The following IL1RAPL1 variants were observed in gnomAD, a reference collection of about 807,000 sequenced individuals.
The protein encoded by IL1RAPL1 is interleukin 1 receptor accessory protein like 1.
IL1RAPL1 carries 3 observed loss-of-function variants against 48.4 expected under a neutral mutation model. The observed-to-expected ratio is 0.06, with a 90% confidence interval of 0.03 to 0.16. The LOEUF (loss-of-function observed/expected upper bound fraction) is 0.16, where lower values mean the gene tolerates loss of function less well. Ranked by LOEUF, IL1RAPL1 falls within the 10% of genes least tolerant of loss-of-function variation. The pLI, the probability that IL1RAPL1 is intolerant of heterozygous loss-of-function variation, is 1.00. For synonymous variants in IL1RAPL1, 185 were observed against 187.7 expected (o/e 0.99, Z 0.12); for missense variants, 349 against 530.6 (o/e 0.66, Z 3.36).
At chrX:28,590,234 GA>G (rs1933893466) in intron 1 of IL1RAPL1, among the ~76,000 whole-genome samples, 2 of 111,267 alleles carry the variant, frequency 1.8e-5, no homozygotes, top group Admixed American at 1.9e-4. Context: ...CTGTTCAGTT[GA>G]ATCACCTTAT....
In IL1RAPL1 at chrX:28,682,305, TG is replaced by T. The variant is rs1446519280; in HGVS notation, c.-25+94259del. Among the ~76,000 whole-genome samples, 10 of 111,007 alleles carry T rather than the reference TG, an allele frequency of 9.0e-5. No homozygotes were observed. The East Asian group carries it at 1.7e-3, about 19-fold the overall frequency. ...GTTTTTTTTTGTTATTGTTTTTGTT[TG>T]TTTTTTTGTTTTTTGTTTTTGAAAT... is the stretch of plus-strand genomic sequence containing the variant. On this transcript the variant is annotated intron_variant, in intron 1 of 10. Coordinates refer to ENST00000378993, the MANE Select transcript of IL1RAPL1 (RefSeq NM_014271.4).
chrX:29,895,149 T>A (rs747203795), intron 6 of IL1RAPL1, among the ~76,000 whole-genome samples: 65 of 110,662 alleles, frequency 5.9e-4, no homozygotes, highest in African/African-American at 2.0e-3. Context: ...TTAAGAGCGT[T>A]TGTAACTAAA....
intron 6 of IL1RAPL1, among the ~76,000 whole-genome samples, chrX:29,688,780 G>T (rs61676986): frequency 0.048 from 5,105 of 105,444 alleles, 312 homozygotes; most frequent in African/African-American, 0.16. Context: ...GTGTGTGTTT[G>T]TGTGTTCTGT....
At chrX:29,424,949 T>C (rs1164172839) in intron 5 of IL1RAPL1, among the ~76,000 whole-genome samples, 2 of 112,117 alleles carry the variant, frequency 1.8e-5, no homozygotes, top group Admixed American at 9.5e-5. Context: ...AGTCATCTGA[T>C]GATACAGTTA....
chrX:29,852,338 G>A (rs1931387135), intron 6 of IL1RAPL1, among the ~76,000 whole-genome samples: 1 of 111,890 alleles, frequency 8.9e-6, no homozygotes, highest in African/African-American at 3.2e-5. Context: ...GAAAAAAAAA[G>A]TGTTAAGGGG....
At chrX:29,522,944 T>G (rs1326830393) in intron 5 of IL1RAPL1, among the ~76,000 whole-genome samples, 1 of 111,537 alleles carries the variant, frequency 9.0e-6, no homozygotes, top group Non-Finnish European at 1.9e-5. Flanking sequence ...CAGCACATGC[T>G]GTTAAAACTT....
At chrX:29,140,716 C>T (rs753413078) in intron 2 of IL1RAPL1, among the ~76,000 whole-genome samples, 5 of 111,923 alleles carry the variant, frequency 4.5e-5, no homozygotes, top group Non-Finnish European at 3.8e-5. Flanking sequence ...AAGATCAAGT[C>T]ACCATCAGAT....
At chrX:29,777,432 T>A (rs1929225400) in intron 6 of IL1RAPL1, among the ~76,000 whole-genome samples, 1 of 112,127 alleles carries the variant, frequency 8.9e-6, no homozygotes, top group Non-Finnish European at 1.9e-5. Flanking sequence ...TGGATAACTA[T>A]TACTAACTGA....
intron 2 of IL1RAPL1, among the ~76,000 whole-genome samples, chrX:29,098,785 T>C (rs1003875543): frequency 2.7e-5 from 3 of 112,781 alleles, no homozygotes; most frequent in Non-Finnish European, 5.6e-5. Context: ...TGTTTAGTCC[T>C]TTTTTTCTCA....
intron 5 of IL1RAPL1, among the ~76,000 whole-genome samples, chrX:29,531,925 A>C (rs1321220165): frequency 3.6e-5 from 4 of 112,336 alleles, no homozygotes; most frequent in Non-Finnish European, 7.5e-5. Flanking sequence ...ACCCCACTCT[A>C]GTATGACCTC....
At chrX:29,541,808 A>G (rs926292267) in intron 5 of IL1RAPL1, among the ~76,000 whole-genome samples, 2 of 110,846 alleles carry the variant, frequency 1.8e-5, no homozygotes, top group African/African-American at 6.6e-5. Flanking sequence ...TCAAGTTTTG[A>G]AAAACGATTG....
intron 2 of IL1RAPL1, among the ~76,000 whole-genome samples, chrX:29,204,987 T>C (rs1455898704): frequency 8.9e-6 from 1 of 112,162 alleles, no homozygotes; most frequent in Non-Finnish European, 1.9e-5. Context: ...TAAAATTTTT[T>C]GGTAGCATTG....
chrX:29,887,620 T>C (rs1374687832), intron 6 of IL1RAPL1, among the ~76,000 whole-genome samples: 1 of 111,902 alleles, frequency 8.9e-6, no homozygotes, highest in East Asian at 2.8e-4. Flanking sequence ...TAACAGACTT[T>C]GTATAACTAT....
chrX:29,129,617 C>T (rs1166127452), intron 2 of IL1RAPL1, among the ~76,000 whole-genome samples: 50 of 28,405 alleles, frequency 1.8e-3, no homozygotes, highest in Middle Eastern at 0.042. Context: ...TTTTTTGAGA[C>T]GGAGTCTCGC....
intron 2 of IL1RAPL1, among the ~76,000 whole-genome samples, chrX:29,258,360 A>G (rs753236565): frequency 9.0e-6 from 1 of 111,681 alleles, no homozygotes; most frequent in East Asian, 2.8e-4. Flanking sequence ...ACAAAAAAAC[A>G]AGGTTAAAAC....
intron 5 of IL1RAPL1, among the ~76,000 whole-genome samples, chrX:29,421,105 A>G (rs139689445): frequency 2.7e-5 from 3 of 112,424 alleles, no homozygotes; most frequent in African/African-American, 9.7e-5. Flanking sequence ...TGTGAAAAAC[A>G]TAAATTAGAA....
Position 29,506,438 on chromosome X carries a change from T to TCTC in IL1RAPL1, c.703+107157_703+107159dup, listed in dbSNP as rs562607187. ...CTCTTCTTCTTCTTCTCCTTCTCCT[T>TCTC]CTCCTCCTCCTCCTCCTCCTCCTCC... is the stretch of plus-strand genomic sequence containing the variant. On this transcript the variant is annotated intron_variant, in intron 5 of 10. Transcript: ENST00000378993. Among the ~76,000 whole-genome samples the TCTC allele has an allele frequency of 6.8e-3, 616 of 90,596 alleles. 3 individuals carry two copies. The highest frequency in any genetic ancestry group is 0.041 in the South Asian group (65 of 1,571). The allele number at this position is 90,596 out of a possible 115,157, so 78.7% of individuals were successfully genotyped here. A position where few individuals can be genotyped will look rare whatever the true frequency, so the allele number is the denominator to read the frequency against.
chrX:29,132,857 G>A (rs753491299), intron 2 of IL1RAPL1, among the ~76,000 whole-genome samples: 15 of 110,669 alleles, frequency 1.4e-4, no homozygotes, highest in African/African-American at 3.6e-4. Flanking sequence ...GCATTTACTC[G>A]TTGGCTTTTT....
chrX:28,633,721 A>G (rs1349871250), intron 1 of IL1RAPL1, among the ~76,000 whole-genome samples: 2 of 112,321 alleles, frequency 1.8e-5, no homozygotes, highest in Non-Finnish European at 3.8e-5. Flanking sequence ...ACATCTTTGA[A>G]GTGAACTTCA....
Sources: allele counts gnomAD v4.1 joint callset (sites outside exome capture counted in the v4.1 genomes callset), GRCh38; gene constraint gnomAD v4.1.1; transcripts MANE v1.5; gene names NCBI Gene and HGNC (gene_info 2026-07-23, HGNC 2026-07-21).